CDK14: variants seen among roughly 807,000 people sequenced by gnomAD.
The protein encoded by CDK14 is cyclin dependent kinase 14.
In CDK14, 34 loss-of-function variants were observed where a neutral mutation model predicts 60.7. The observed-to-expected ratio is 0.56, with a 90% CI of 0.43 to 0.75. The LOEUF (loss-of-function observed/expected upper bound fraction) is 0.75. Ranked by LOEUF, CDK14 falls within the 30% of genes least tolerant of loss-of-function variation. The probability of loss-of-function intolerance (pLI) is 0.00; values close to 1 mark genes in which losing one functional copy is unlikely to be tolerated. For synonymous variants in CDK14, 197 were observed against 203.7 expected, an observed-to-expected ratio of 0.97 and a Z score of 0.28; for missense variants, 482 against 564.1, an observed-to-expected ratio of 0.85 and a Z score of 1.47.
At chr7:90,630,166 C>T (rs897142258) in intron 2 of CDK14, among the ~76,000 whole-genome samples, 1 of 152,154 alleles carries the variant, frequency 6.6e-6, no homozygotes, top group Non-Finnish European at 1.5e-5. Context: ...TTATGTATGT[C>T]CAGTTTTAAT....
intron 6 of CDK14, among the ~76,000 whole-genome samples, chr7:90,875,260 A>C (rs917134963): frequency 3.9e-5 from 6 of 152,210 alleles, no homozygotes; most frequent in Non-Finnish European, 7.3e-5. Flanking sequence ...TTCATCAATT[A>C]CTGTACATGT....
At chr7:91,104,821 G>C (rs1334273494) in intron 12 of CDK14, among the ~76,000 whole-genome samples, 1 of 152,124 alleles carries the variant, frequency 6.6e-6, no homozygotes, top group East Asian at 1.9e-4. Flanking sequence ...AAACAGAGGT[G>C]ACCTAACAGA....
intron 2 of CDK14, among the ~76,000 whole-genome samples, chr7:90,687,798 A>G (rs1801469188): frequency 2.0e-5 from 3 of 152,184 alleles, no homozygotes; most frequent in Admixed American, 1.3e-4. Context: ...GAAATACATT[A>G]TATTAATCTT....
At chr7:90,925,051 T>G (rs1197040589) in intron 8 of CDK14, among the ~76,000 whole-genome samples, 1 of 152,226 alleles carries the variant, frequency 6.6e-6, no homozygotes, top group Admixed American at 6.5e-5. Context: ...ACTTTTTTTT[T>G]ATTTTTACCA....
chr7:90,696,336 CTTTTTTT>C (rs1554435989), intron 2 of CDK14, among the ~76,000 whole-genome samples: 6 of 125,694 alleles, frequency 4.8e-5, no homozygotes, highest in African/African-American at 1.2e-4. Flanking sequence ...ACTTCTTCTT[CTTTTTTT>C]TTTTTTTTTT....
At chr7:91,010,801 TTTCCTTCCTTCC>T (rs1253624022) in intron 10 of CDK14, among the ~76,000 whole-genome samples, 9 of 86,166 alleles carry the variant, frequency 1.0e-4, no homozygotes, top group Middle Eastern at 5.3e-3. Flanking sequence ...TCCTTCCTTC[TTTCCTTCCTTCC>T]TTCCTTCCTT....
At position 90,971,171 on chromosome 7, in the gene CDK14, C is replaced by T. The variant is rs148114511; in HGVS notation, c.948-12977C>T. On this transcript the variant is annotated intron_variant, in intron 9 of 14. Transcript: ENST00000380050. ...ACATGTGGTTTTTTTTTTTTTGTCT[C>T]GTTTTAAAGATAGTTATTGAACACC... Among the ~76,000 whole-genome samples, 981 of 143,614 alleles carry T rather than the reference C, an allele frequency of 6.8e-3. 12 individuals are homozygous for T. The highest frequency in any genetic ancestry group is 0.023 in the African/African-American group (910 of 38,988). The allele number at this position is 143,614 out of a possible 152,430, so 94.2% of individuals were successfully genotyped here. A position where few individuals can be genotyped will look rare whatever the true frequency, so the allele number is the denominator to read the frequency against.
chr7:91,144,156 T>G (rs1453246645), intron 14 of CDK14, among the ~76,000 whole-genome samples: 1 of 152,198 alleles, frequency 6.6e-6, no homozygotes, highest in African/African-American at 2.4e-5. Flanking sequence ...AATTAATCTG[T>G]AACTTGAACA....
At chr7:90,625,015 A>G (rs1251679012) in intron 2 of CDK14, among the ~76,000 whole-genome samples, 4 of 152,172 alleles carry the variant, frequency 2.6e-5, no homozygotes, top group Non-Finnish European at 4.4e-5. Context: ...CAGTTTCAAA[A>G]CGTGTAAAAC....
chr7:90,607,315 G>A (rs1479616590), intron 2 of CDK14, among the ~76,000 whole-genome samples: 1 of 152,144 alleles, frequency 6.6e-6, no homozygotes, highest in Non-Finnish European at 1.5e-5. Context: ...TGAGGGTTGG[G>A]TCAGCTTCTT....
chr7:90,800,325 C>T (rs774496274), intron 5 of CDK14, among the ~76,000 whole-genome samples: 1 of 151,964 alleles, frequency 6.6e-6, no homozygotes, highest in Non-Finnish European at 1.5e-5. Flanking sequence ...AATTAGTTAA[C>T]CTGCTTGTAA....
At chr7:91,104,418 C>A (rs1408272188) in intron 12 of CDK14, among the ~76,000 whole-genome samples, 1 of 152,208 alleles carries the variant, frequency 6.6e-6, no homozygotes, top group Non-Finnish European at 1.5e-5. Context: ...AGCTTTCCAT[C>A]CTTAATGCCT....
chr7:90,924,134 A>G (rs1216856555), intron 8 of CDK14, among the ~76,000 whole-genome samples: 1 of 152,250 alleles, frequency 6.6e-6, no homozygotes, highest in Non-Finnish European at 1.5e-5. Flanking sequence ...GCTAAGTCCA[A>G]GGTTGAGGGG....
intron 12 of CDK14, among the ~76,000 whole-genome samples, chr7:91,081,361 A>G (rs145358068): frequency 1.2e-3 from 186 of 152,292 alleles, no homozygotes; most frequent in African/African-American, 4.3e-3. Flanking sequence ...TTTCCAACTA[A>G]TTTGCTTGTC....
At chr7:90,788,298 A>G (rs982356576) in intron 4 of CDK14, among the ~76,000 whole-genome samples, 4 of 152,170 alleles carry the variant, frequency 2.6e-5, no homozygotes, top group African/African-American at 9.7e-5. Flanking sequence ...TATCAGCACT[A>G]ACTGCATCCC....
chr7:91,120,675 T>G (rs576913348), intron 14 of CDK14, among the ~76,000 whole-genome samples: 2 of 152,270 alleles, frequency 1.3e-5, no homozygotes, highest in African/African-American at 4.8e-5. Context: ...TAGCTGGGAT[T>G]ACAGGCACAT....
intron 5 of CDK14, among the ~76,000 whole-genome samples, chr7:90,813,056 T>C (rs1180544388): frequency 1.3e-5 from 2 of 152,344 alleles, no homozygotes; most frequent in East Asian, 3.9e-4. Flanking sequence ...TAAAATATGG[T>C]ATATTTGTAC....
rs565746328 is a variant in CDK14, at chr7:90,936,750, C to T, written c.827-18947C>T. On this transcript the variant is annotated intron_variant, in intron 8 of 14. Transcript: ENST00000380050. ...GATTTACCACTTACTTCCTGGTACA[C>T]GAATGCATATGCACGCTGTGTCTGG... is the stretch of plus-strand genomic sequence containing the variant. Among the ~76,000 whole-genome samples, 8 of 152,242 alleles carry T rather than the reference C, an allele frequency of 5.3e-5. No homozygotes were observed. In the South Asian group the frequency reaches 8.3e-4, roughly 16 times the overall value.
At chr7:91,119,297 A>G (rs914622872) in intron 14 of CDK14, among the ~76,000 whole-genome samples, 1 of 152,120 alleles carries the variant, frequency 6.6e-6, no homozygotes, top group Non-Finnish European at 1.5e-5. Flanking sequence ...CCTGGACAAC[A>G]TGGTGAAAGC....
Sources: allele counts gnomAD v4.1 joint callset (sites outside exome capture counted in the v4.1 genomes callset), GRCh38; gene constraint gnomAD v4.1.1; transcripts MANE v1.5; gene names NCBI Gene and HGNC (gene_info 2026-07-23, HGNC 2026-07-21).